SPIRE1: variants seen among roughly 807,000 people sequenced by gnomAD.
SPIRE1 encodes the protein protein spire homolog 1.
In SPIRE1, 40 loss-of-function variants were observed where a neutral mutation model predicts 94.1. The observed-to-expected ratio is 0.43, with a 90% CI of 0.33 to 0.55. The LOEUF is 0.55. Ranked by LOEUF, SPIRE1 falls within the 20% of genes least tolerant of loss-of-function variation. The pLI is 0.06. For synonymous variants in SPIRE1, 376 were observed against 371.7 expected (o/e 1.01, Z -0.13); for missense variants, 838 against 975.2 (o/e 0.86, Z 1.87).
intron 2 of SPIRE1, among the ~76,000 whole-genome samples, chr18:12,600,102 C>CAA (rs58628339): frequency 0.087 from 10,322 of 118,306 alleles, 642 homozygotes; most frequent in Non-Finnish European, 0.11. Flanking sequence ...CAATGGCCAG[C>CAA]AAAAAAAAAA....
chr18:12,587,054 T>G (rs1312374403), intron 2 of SPIRE1, among the ~76,000 whole-genome samples: 1 of 152,192 alleles, frequency 6.6e-6, no homozygotes, highest in African/African-American at 2.4e-5. Context: ...AGTAATTCTA[T>G]CAAGTAGGTA....
intron 1 of SPIRE1, among the ~76,000 whole-genome samples, chr18:12,655,511 T>G (rs1221511472): frequency 6.6e-6 from 1 of 152,176 alleles, no homozygotes; most frequent in East Asian, 1.9e-4. Context: ...TTAGGCCTCC[T>G]CCATAACTGG....
chr18:12,623,444 C>T (rs755305946), intron 2 of SPIRE1, among the ~76,000 whole-genome samples: 34 of 152,092 alleles, frequency 2.2e-4, no homozygotes, highest in Non-Finnish European at 4.3e-4. Context: ...TAAGCCACTG[C>T]GCCTGGCCAA....
At chr18:12,529,382 A>AAG (rs1555620239) in intron 4 of SPIRE1, among the ~76,000 whole-genome samples, 4 of 151,474 alleles carry the variant, frequency 2.6e-5, no homozygotes, top group African/African-American at 9.7e-5. Context: ...AAAAAAAAAA[A>AAG]GGGCAGTATG....
rs555676074 is a variant in SPIRE1, at chr18:12,465,709, C to T, written c.1405-751G>A. On this transcript the variant is annotated intron_variant, in intron 10 of 16. Transcript: ENST00000409402. ...GATGTATGTCCAGTACCAAACCCAT[C>T]ACTTAGTAAGTAATGAGTGTTTGTT... Among the ~76,000 whole-genome samples, 18 of 152,186 alleles carry T rather than the reference C, an allele frequency of 1.2e-4. 1 individual carries two copies. Among genetic ancestry groups the T allele is most frequent in the Admixed American group, 8.5e-4 (13 of 15,276 alleles).
At chr18:12,633,580 G>GAA (rs35011369) in intron 2 of SPIRE1, among the ~76,000 whole-genome samples, 58 of 138,468 alleles carry the variant, frequency 4.2e-4, no homozygotes, top group Middle Eastern at 3.7e-3. Context: ...TGTCTCAAAA[G>GAA]AAAAAAAAAA....
chr18:12,657,641 G>T lies in SPIRE1; in HGVS notation c.226C>A (p.Arg76Ser). The change falls in exon 1 of 17, where the codon CGC (arginine) becomes AGC (serine). Residue 76 changes from arginine (R) to serine (S), a missense_variant. Around this residue, in one of 2 missense-constraint regions of SPIRE1, gnomAD observed 193 missense variants for 170.5 expected, o/e 1.13. Transcript: ENST00000409402. ...GAGCGCACACGGTGGCGGGGCTGGC[G>T]GCGGCGGGCGGCGGCGCGCAGGGAA... ...CGSLRAAARRRQPRHRVRSAA... is the reference protein window; with the variant it reads ...CGSLRAAARRSQPRHRVRSAA... 7.6e-7 allele frequency: 1 copy of T among 1,313,506 alleles called. No homozygotes were observed. The highest frequency in any genetic ancestry group is 9.7e-7 in the Non-Finnish European group (1 of 1,029,868). The allele number at this position is 1,313,506 out of a possible 1,614,324, so 81.4% of individuals were successfully genotyped here.
intron 1 of SPIRE1, among the ~76,000 whole-genome samples, chr18:12,637,144 G>A (rs375596171): frequency 1.7e-4 from 26 of 152,282 alleles, no homozygotes; most frequent in African/African-American, 6.3e-4. Context: ...CAGATCATGA[G>A]GTCAGGAGAT....
intron 5 of SPIRE1, among the ~76,000 whole-genome samples, chr18:12,507,615 C>T (rs191305310): frequency 2.0e-4 from 31 of 151,932 alleles, no homozygotes; most frequent in African/African-American, 7.0e-4. Context: ...AGGAGGATTG[C>T]TTGAACCCGG....
upstream of SPIRE1, chr18:12,658,518 A>G: frequency 2.2e-6 from 1 of 462,166 alleles, no homozygotes; most frequent in Non-Finnish European, 4.5e-6. Flanking sequence ...TGGGCGCGCC[A>G]ACCCGGGTCA....
intron 2 of SPIRE1, among the ~76,000 whole-genome samples, chr18:12,596,960 T>TGCACTG (rs1206746035): frequency 6.6e-6 from 1 of 151,676 alleles, no homozygotes; most frequent in African/African-American, 2.4e-5. Flanking sequence ...CTCCTCCACC[T>TGCACTG]TAAGAATGAG....
chr18:12,577,635 CATAAA>C lies in SPIRE1; in HGVS notation c.373-30736_373-30732del, dbSNP rs540674987. On this transcript the variant is annotated intron_variant, in intron 2 of 16. Coordinates refer to ENST00000409402, the MANE Select transcript of SPIRE1 (RefSeq NM_001128626.2). ...ACACAAGATACATAAAAACACTAAT[CATAAA>C]ATAAAAAGTTGACAAATTAGAGTTG... Among the ~76,000 whole-genome samples the C allele has an allele frequency of 4.6e-5, 7 of 152,140 alleles. No individual in the cohort carries two copies. The South Asian group carries it at 1.5e-3, about 32-fold the overall frequency.
At chr18:12,653,965 A>C (rs900761156) in intron 1 of SPIRE1, among the ~76,000 whole-genome samples, 1 of 151,824 alleles carries the variant, frequency 6.6e-6, no homozygotes, top group African/African-American at 2.4e-5. Context: ...AAAAGAAAGA[A>C]AGAAACAGAA....
At position 12,461,578 on chromosome 18, in the gene SPIRE1, CATATGTATAT is replaced by C. The variant is rs1004318312; in HGVS notation, c.1638+1763_1638+1772del. On this transcript the variant is annotated intron_variant, in intron 12 of 16. Coordinates refer to ENST00000409402, the MANE Select transcript of SPIRE1 (RefSeq NM_001128626.2). ...ACATGCGTGTATATGTATGTACATACATATGTATATACATACATACACACACATATACACA... is the reference window on the plus strand; with the variant it reads ...ACATGCGTGTATATGTATGTACATACACATACATACACACACATATACACA... Among the ~76,000 whole-genome samples, 58 of 61,276 alleles carry C rather than the reference CATATGTATAT, an allele frequency of 9.5e-4. 2 individuals carry two copies. Among genetic ancestry groups the C allele is most frequent in the Non-Finnish European group, 2.3e-4 (5 of 21,484 alleles). The allele number at this position is 61,276 out of a possible 152,430, so 40.2% of individuals were successfully genotyped here. A position where few individuals can be genotyped will look rare whatever the true frequency, so the allele number is the denominator to read the frequency against.
intron 1 of SPIRE1, among the ~76,000 whole-genome samples, chr18:12,646,346 A>T (rs1331386045): frequency 6.6e-6 from 1 of 152,126 alleles, no homozygotes; most frequent in East Asian, 1.9e-4. Flanking sequence ...TTATTATTTT[A>T]AAATTATTGC....
chr18:12,556,544 T>C (rs1006138801), intron 2 of SPIRE1, among the ~76,000 whole-genome samples: 3 of 152,212 alleles, frequency 2.0e-5, no homozygotes, highest in Non-Finnish European at 2.9e-5. Flanking sequence ...TGCCTTCAGA[T>C]GTTCAGATGC....
At chr18:12,615,383 T>TA (rs1276315722) in intron 2 of SPIRE1, among the ~76,000 whole-genome samples, 3 of 76,946 alleles carry the variant, frequency 3.9e-5, no homozygotes, top group African/African-American at 1.6e-4. Flanking sequence ...TGCATGTATA[T>TA]AAAAAAAATA....
rs2032993192 is a variant in SPIRE1, at chr18:12,485,194, T to A, written c.1231+765A>T. 2.0e-5 allele frequency among the ~76,000 whole-genome samples: 3 copies of A among 149,156 alleles called. No individual in the cohort carries two copies. In the South Asian group the frequency reaches 6.4e-4, roughly 32 times the overall value. On this transcript the variant is annotated intron_variant, in intron 9 of 16. Coordinates refer to ENST00000409402, the MANE Select transcript of SPIRE1 (RefSeq NM_001128626.2). ...ATCTCGGCTCACTGCAACCTCCGCC[T>A]CCTGGCTTCAAGCAATTCTCCTGCC...
chr18:12,628,734 G>A (rs2037699619), intron 2 of SPIRE1, among the ~76,000 whole-genome samples: 1 of 152,052 alleles, frequency 6.6e-6, no homozygotes, highest in Non-Finnish European at 1.5e-5. Context: ...GTTGAGCAGT[G>A]GTTTGTAGTT....
Sources: allele counts gnomAD v4.1 joint callset (sites outside exome capture counted in the v4.1 genomes callset), GRCh38; gene constraint gnomAD v4.1.1; regional missense constraint gnomAD v4.1.1; transcripts MANE v1.5; gene names NCBI Gene and HGNC (gene_info 2026-07-23, HGNC 2026-07-21).